LRRTM4: variants seen among roughly 807,000 people sequenced by gnomAD.
LRRTM4 encodes leucine-rich repeat transmembrane neuronal protein 4.
A neutral mutation model predicts 47.6 loss-of-function variants in LRRTM4; 25 were observed. The ratio of observed to expected loss-of-function variants is 0.53; its 90% CI spans 0.38 to 0.73. The LOEUF (loss-of-function observed/expected upper bound fraction) is 0.73, where lower values mean the gene tolerates loss of function less well. Ranked by LOEUF, LRRTM4 falls within the 30% of genes least tolerant of loss-of-function variation. The pLI is 0.00. For synonymous variants in LRRTM4, 311 were observed against 269.5 expected (o/e 1.15, Z -1.51); for missense variants, 638 against 713.4 (o/e 0.89, Z 1.20).
At chr2:77,277,463 TA>T (rs549934605) in intron 3 of LRRTM4, among the ~76,000 whole-genome samples, 73 of 152,174 alleles carry the variant, frequency 4.8e-4, no homozygotes, top group African/African-American at 1.5e-3. Flanking sequence ...CATCTTTTAT[TA>T]AAAAATATTT....
intron 3 of LRRTM4, among the ~76,000 whole-genome samples, chr2:77,184,136 A>T (rs914379439): frequency 6.6e-6 from 1 of 152,156 alleles, no homozygotes; most frequent in Non-Finnish European, 1.5e-5. Context: ...GAATATATCT[A>T]GTAAAGTTCA....
intron 3 of LRRTM4, among the ~76,000 whole-genome samples, chr2:77,029,787 T>G (rs984607716): frequency 3.9e-5 from 6 of 152,170 alleles, no homozygotes; most frequent in African/African-American, 1.4e-4. Context: ...GAACAAAGAT[T>G]TGTTTTGTAA....
At chr2:77,342,598 T>C (rs1671413041) in intron 3 of LRRTM4, among the ~76,000 whole-genome samples, 1 of 151,998 alleles carries the variant, frequency 6.6e-6, no homozygotes, top group East Asian at 1.9e-4. Flanking sequence ...GAAATAAAAT[T>C]ACTTAATTTG....
In LRRTM4 at chr2:77,276,686, CATATATATATATATAT is replaced by C. The variant is rs3980215; in HGVS notation, c.1551+241616_1551+241631del. Among the ~76,000 whole-genome samples the C allele has an allele frequency of 8.2e-3, 590 of 71,718 alleles. 13 individuals are homozygous for C. Among genetic ancestry groups the C allele is most frequent in the African/African-American group, 0.02 (443 of 22,640 alleles). The allele number at this position is 71,718 out of a possible 152,430, so 47.0% of individuals were successfully genotyped here. On this transcript the variant is annotated intron_variant, in intron 3 of 3. Transcript: ENST00000409884. ...GTTCTTGTATATAAATTTGTGTACG[CATATATATATATATAT>C]ATATATATATATATATATATATATA...
intron 3 of LRRTM4, among the ~76,000 whole-genome samples, chr2:76,759,136 G>A (rs1369460418): frequency 1.3e-5 from 2 of 152,056 alleles, no homozygotes; most frequent in South Asian, 4.1e-4. Flanking sequence ...ATATAAAGAA[G>A]AATAAAGTAA....
chr2:76,922,594 A>G (rs1674467293), intron 3 of LRRTM4, among the ~76,000 whole-genome samples: 1 of 152,066 alleles, frequency 6.6e-6, no homozygotes, highest in Admixed American at 6.6e-5. Context: ...AGAAGCAGAA[A>G]GTGGATTGAT....
intron 3 of LRRTM4, among the ~76,000 whole-genome samples, chr2:77,467,456 T>A (rs1267727002): frequency 2.0e-5 from 3 of 152,126 alleles, no homozygotes; most frequent in Non-Finnish European, 4.4e-5. Flanking sequence ...TTTTTAATAG[T>A]CTGGATGCTT....
At chr2:77,268,998 A>C (rs1676124501) in intron 3 of LRRTM4, among the ~76,000 whole-genome samples, 1 of 152,114 alleles carries the variant, frequency 6.6e-6, no homozygotes, top group Non-Finnish European at 1.5e-5. Flanking sequence ...TCTGATGCAC[A>C]CTATAGCTTG....
At chr2:76,815,363 C>G (rs554489854) in intron 3 of LRRTM4, among the ~76,000 whole-genome samples, 3 of 151,998 alleles carry the variant, frequency 2.0e-5, no homozygotes, top group Non-Finnish European at 4.4e-5. Flanking sequence ...CTGCCAGAAG[C>G]GAGATATTCA....
chr2:77,477,614 G>A (rs936148282), intron 3 of LRRTM4, among the ~76,000 whole-genome samples: 1 of 151,780 alleles, frequency 6.6e-6, no homozygotes, highest in Admixed American at 6.6e-5. Flanking sequence ...AGGCCGAGGT[G>A]GACGGATGAC....
In LRRTM4 at chr2:77,028,901, G is replaced by A. The variant is rs555009920; in HGVS notation, c.1552-279985C>T. Among the ~76,000 whole-genome samples, 897 of 151,240 alleles carry A rather than the reference G, an allele frequency of 5.9e-3. 10 individuals carry two copies. Among genetic ancestry groups the A allele is most frequent in the African/African-American group, 0.021 (860 of 41,218 alleles). On this transcript the variant is annotated intron_variant, in intron 3 of 3. Transcript: ENST00000409884. The stretch of plus-strand genomic sequence containing the variant: ...ATACAAAAAATTAGCTGAGCGTGGT[G>A]GTGGGGGCCTGTAGTCCCAGCTACT...
At chr2:76,818,252 A>C (rs533484892) in intron 3 of LRRTM4, among the ~76,000 whole-genome samples, 19 of 152,022 alleles carry the variant, frequency 1.2e-4, no homozygotes, top group Admixed American at 1.2e-3. Context: ...TATTCTGAAA[A>C]CATGGTGTTT....
intron 2 of LRRTM4, 144 bp downstream of exon 2, chr2:77,521,524 G>T: frequency 1.2e-6 from 1 of 818,218 alleles, no homozygotes. Flanking sequence ...AAATATAATA[G>T]CAACTATAGT....
intron 3 of LRRTM4, among the ~76,000 whole-genome samples, chr2:77,011,320 A>T (rs1197725821): frequency 1.3e-5 from 2 of 152,112 alleles, no homozygotes; most frequent in Non-Finnish European, 2.9e-5. Flanking sequence ...CTTAATTCAG[A>T]CTAGTTGCAT....
At chr2:76,783,037 C>A (rs1343382007) in intron 3 of LRRTM4, among the ~76,000 whole-genome samples, 1 of 152,084 alleles carries the variant, frequency 6.6e-6, no homozygotes, top group Non-Finnish European at 1.5e-5. Flanking sequence ...TGAACACACA[C>A]ACCTTAGAGA....
Position 76,976,300 on chromosome 2 carries a change from C to A in LRRTM4, c.1552-227384G>T, listed in dbSNP as rs7599667. Among the ~76,000 whole-genome samples, 477 of 151,470 alleles carry A rather than the reference C, an allele frequency of 3.1e-3. 4 individuals carry two copies. The highest frequency in any genetic ancestry group is 0.01 in the African/African-American group (428 of 41,398). On this transcript the variant is annotated intron_variant, in intron 3 of 3. Coordinates refer to ENST00000409884, the MANE Select transcript of LRRTM4 (RefSeq NM_001134745.3). The stretch of plus-strand genomic sequence containing the variant: ...ATAGTATCAAGAGAGTAAATAAAAT[C>A]AAAATATATTCTATTTAGAGCCAGC...
At chr2:77,227,024 T>G (rs997204732) in intron 3 of LRRTM4, among the ~76,000 whole-genome samples, 42 of 152,166 alleles carry the variant, frequency 2.8e-4, no homozygotes, top group African/African-American at 9.6e-4. Flanking sequence ...CTCCACTGAC[T>G]GTTATTCCCA....
intron 3 of LRRTM4, among the ~76,000 whole-genome samples, chr2:77,253,817 C>G (rs1299191655): frequency 4.2e-5 from 6 of 143,748 alleles, no homozygotes; most frequent in Admixed American, 6.6e-5. Context: ...GCAATCTGAA[C>G]AACAGAAAAA....
intron 3 of LRRTM4, among the ~76,000 whole-genome samples, chr2:76,898,051 G>C (rs1353982009): frequency 6.6e-6 from 1 of 152,140 alleles, no homozygotes; most frequent in Non-Finnish European, 1.5e-5. Context: ...TTTCCTATTA[G>C]AGTTTCTCTT....
Sources: allele counts gnomAD v4.1 joint callset (sites outside exome capture counted in the v4.1 genomes callset), GRCh38; gene constraint gnomAD v4.1.1; transcripts MANE v1.5; gene names NCBI Gene and HGNC (gene_info 2026-07-23, HGNC 2026-07-21).